The following PPP1R9A variants were observed in gnomAD, a reference collection of about 807,000 sequenced individuals.
PPP1R9A encodes the protein protein phosphatase 1 regulatory subunit 9A.
In PPP1R9A, 59 loss-of-function variants were observed where a neutral mutation model predicts 141.9. The observed-to-expected ratio is 0.42, with a 90% CI of 0.34 to 0.52. PPP1R9A has a LOEUF of 0.52. Among genes scored for constraint, PPP1R9A ranks in the 20% least tolerant of loss-of-function variants. The probability of loss-of-function intolerance (pLI) is 0.10; values close to 1 mark genes in which losing one functional copy is unlikely to be tolerated. For missense variants in PPP1R9A, 1,444 were observed against 1,611.9 expected, an observed-to-expected ratio of 0.90 and a Z score of 1.78; for synonymous variants, 500 against 569.7, an observed-to-expected ratio of 0.88 and a Z score of 1.74.
intron 2 of PPP1R9A, among the ~76,000 whole-genome samples, chr7:95,073,758 T>C (rs1814381826): frequency 6.6e-6 from 1 of 151,618 alleles, no homozygotes; most frequent in South Asian, 2.1e-4. Flanking sequence ...GTTTTTTTGC[T>C]TTTTTGGTAG....
intron 2 of PPP1R9A, among the ~76,000 whole-genome samples, chr7:95,009,770 T>G (rs1389785759): frequency 6.6e-6 from 1 of 152,258 alleles, no homozygotes; most frequent in Non-Finnish European, 1.5e-5. Context: ...TTCTGGTTAC[T>G]TGGCTGTAAA....
intron 2 of PPP1R9A, among the ~76,000 whole-genome samples, chr7:94,927,257 G>C (rs1256219356): frequency 6.6e-6 from 1 of 152,036 alleles, no homozygotes; most frequent in Middle Eastern, 3.4e-3. Flanking sequence ...GTATTTTCAG[G>C]GCCCTTGATA....
rs562265489 is a variant in PPP1R9A at position 95,237,794 on chromosome 7, TTAACTC to T, written c.2113-9677_2113-9672del. Among the ~76,000 whole-genome samples the T allele has an allele frequency of 3.2e-4, 48 of 152,262 alleles. 2 individuals are homozygous for T. The East Asian group carries it at 5.4e-3, about 17-fold the overall frequency. On this transcript the variant is annotated intron_variant, in intron 8 of 19. Transcript: ENST00000433360. The stretch of plus-strand genomic sequence containing the variant: ...TTATATTTTGTCTCATAATAAAAAA[TTAACTC>T]TGGCTTTCTTTTGCTTTATATTTGT...
chr7:95,181,464 T>C (rs1035637528), intron 5 of PPP1R9A, among the ~76,000 whole-genome samples: 2 of 136,650 alleles, frequency 1.5e-5, no homozygotes, highest in Admixed American at 1.6e-4. Flanking sequence ...AGAATATATA[T>C]AGAGAATATA....
intron 2 of PPP1R9A, among the ~76,000 whole-genome samples, chr7:95,073,167 G>A (rs1396874693): frequency 6.6e-6 from 1 of 150,632 alleles, no homozygotes; most frequent in East Asian, 2.0e-4. Flanking sequence ...TGTATTTTTT[G>A]TAGAGACAGG....
chr7:95,008,013 A>G (rs895742666), intron 2 of PPP1R9A, among the ~76,000 whole-genome samples: 5 of 152,200 alleles, frequency 3.3e-5, no homozygotes, highest in African/African-American at 9.7e-5. Context: ...TGGAGGTTGC[A>G]GTGAGCTGAG....
intron 2 of PPP1R9A, among the ~76,000 whole-genome samples, chr7:94,986,348 T>G (rs182228630): frequency 1.3e-3 from 201 of 152,252 alleles, no homozygotes; most frequent in African/African-American, 4.7e-3. Context: ...CTCTGCAACA[T>G]GGATGAACCT....
intron 4 of PPP1R9A, among the ~76,000 whole-genome samples, chr7:95,153,229 C>G (rs575013471): frequency 2.0e-5 from 3 of 152,062 alleles, no homozygotes; most frequent in Non-Finnish European, 4.4e-5. Flanking sequence ...ATGGTAACAT[C>G]GTAACATTTT....
At chr7:95,102,188 A>G (rs1443372645) in intron 2 of PPP1R9A, among the ~76,000 whole-genome samples, 1 of 152,222 alleles carries the variant, frequency 6.6e-6, no homozygotes, top group Non-Finnish European at 1.5e-5. Context: ...AACTATCTAA[A>G]AAACATAATA....
intron 5 of PPP1R9A, among the ~76,000 whole-genome samples, chr7:95,176,693 AACACTGGAC>A (rs1221270560): frequency 6.6e-6 from 1 of 152,182 alleles, no homozygotes; most frequent in Non-Finnish European, 1.5e-5. Flanking sequence ...AACTTCACAA[AACACTGGAC>A]ACACTTATAG....
intron 8 of PPP1R9A, among the ~76,000 whole-genome samples, chr7:95,235,369 A>G (rs924202843): frequency 2.6e-5 from 4 of 152,222 alleles, no homozygotes; most frequent in Admixed American, 2.6e-4. Context: ...ATGAATGAAT[A>G]GACAGTTCTC....
At chr7:95,171,501 A>G (rs762265454) in intron 5 of PPP1R9A, among the ~76,000 whole-genome samples, 19 of 151,608 alleles carry the variant, frequency 1.3e-4, no homozygotes, top group Non-Finnish European at 2.1e-4. Flanking sequence ...AGTTAGAATG[A>G]GAAGGTGTAA....
intron 4 of PPP1R9A, among the ~76,000 whole-genome samples, chr7:95,147,814 G>A (rs577456827): frequency 3.3e-5 from 5 of 152,082 alleles, no homozygotes; most frequent in Non-Finnish European, 7.4e-5. Context: ...ATTTGCATAT[G>A]TTGAACCAGC....
rs1807036501 is a variant in PPP1R9A, at chr7:95,295,870, T to C, written c.*5567T>C. Reference sequence around the variant, plus strand: ...TTAAATATATATGTATATGTTTTCTTCAACATTATTTAATATAACTACTGC... The same window carrying C: ...TTAAATATATATGTATATGTTTTCTCCAACATTATTTAATATAACTACTGC... On this transcript the variant is annotated 3_prime_UTR_variant, in exon 20 of 20. Transcript: ENST00000433360. 1 of 152,676 alleles carries C rather than the reference T, an allele frequency of 6.5e-6. No individual in the cohort carries two copies. Among genetic ancestry groups the C allele is most frequent in the Non-Finnish European group, 1.5e-5 (1 of 68,046 alleles). The allele number at this position is 152,676 out of a possible 1,614,324, so 9.5% of individuals were successfully genotyped here. A position where few individuals can be genotyped will look rare whatever the true frequency, so the allele number is the denominator to read the frequency against.
intron 9 of PPP1R9A, among the ~76,000 whole-genome samples, chr7:95,249,081 A>G (rs186688309): frequency 1.7e-3 from 265 of 152,218 alleles, no homozygotes; most frequent in African/African-American, 6.0e-3. Context: ...AATGATCAGT[A>G]TTGGATTTCT....
intron 2 of PPP1R9A, among the ~76,000 whole-genome samples, chr7:94,957,705 A>G (rs924662028): frequency 2.0e-5 from 3 of 152,088 alleles, no homozygotes; most frequent in Non-Finnish European, 2.9e-5. Flanking sequence ...GGAGATATAC[A>G]ATGCCTAGCT....
At chr7:94,911,617 G>T (rs1791457808) in intron 2 of PPP1R9A, 109 bp downstream of exon 2, 1 of 798,560 alleles carries the variant, frequency 1.3e-6, no homozygotes, top group African/African-American at 1.7e-5. Flanking sequence ...AGGGATTCAA[G>T]ATTGTTGATA....
Position 95,111,405 on chromosome 7 carries a change from A to G in PPP1R9A, c.1528+14A>G. On this transcript the variant is annotated intron_variant, in intron 3 of 19. Coordinates refer to ENST00000433360, the MANE Select transcript of PPP1R9A (RefSeq NM_001166160.2). ...AGCTAGAGAAAGGTTCGTGAGTGCTACAGTGTTAATATCATTATGTTGCTA... is the reference window on the plus strand; with the variant it reads ...AGCTAGAGAAAGGTTCGTGAGTGCTGCAGTGTTAATATCATTATGTTGCTA... 6.2e-7 allele frequency: 1 copy of G among 1,610,162 alleles called. No homozygotes were observed. Among genetic ancestry groups the G allele is most frequent in the Non-Finnish European group, 8.5e-7 (1 of 1,177,208 alleles).
At chr7:95,021,176 G>A (rs1184525819) in intron 2 of PPP1R9A, among the ~76,000 whole-genome samples, 1 of 152,180 alleles carries the variant, frequency 6.6e-6, no homozygotes, top group Non-Finnish European at 1.5e-5. Flanking sequence ...TCTAACTGGT[G>A]TGAGATGGTG....
Sources: allele counts gnomAD v4.1 joint callset (sites outside exome capture counted in the v4.1 genomes callset), GRCh38; gene constraint gnomAD v4.1.1; transcripts MANE v1.5; gene names NCBI Gene and HGNC (gene_info 2026-07-23, HGNC 2026-07-21).